Variants in EPG5 observed in about 807,000 individuals in gnomAD.
The protein encoded by EPG5 is ectopic P granules protein 5 homolog.
A neutral mutation model predicts 302.7 loss-of-function variants in EPG5; 159 were observed. That is an observed-to-expected ratio of 0.53 (90% CI 0.46 to 0.60). The LOEUF (loss-of-function observed/expected upper bound fraction) is 0.60. EPG5 is among the 20% of genes least tolerant of loss of function. The pLI is 0.00. For synonymous variants in EPG5, 1,158 were observed against 1,136.8 expected, an observed-to-expected ratio of 1.02 and a Z score of -0.37; for missense variants, 2,896 against 3,092.4, an observed-to-expected ratio of 0.94 and a Z score of 1.51.
intron 24 of EPG5, among the ~76,000 whole-genome samples, chr18:45,906,703 G>A (rs2049759930): frequency 6.6e-6 from 1 of 151,668 alleles, no homozygotes; most frequent in Non-Finnish European, 1.5e-5. Flanking sequence ...TGCCCAGGCT[G>A]GAGTGCAGTG....
chr18:45,877,583 C>A (rs1274419145), intron 34 of EPG5, among the ~76,000 whole-genome samples: 5 of 152,112 alleles, frequency 3.3e-5, no homozygotes, highest in African/African-American at 7.2e-5. Flanking sequence ...ATTCAGATAG[C>A]CCTCTAGCAA....
the EPG5 span, among the ~76,000 whole-genome samples, chr18:45,839,906 T>C: frequency 6.6e-6 from 1 of 152,134 alleles, no homozygotes; most frequent in African/African-American, 2.4e-5. Context: ...TTTGTCACAG[T>C]GGCCCTGGCT....
At chr18:45,891,975 C>T (rs887270898) in intron 27 of EPG5, among the ~76,000 whole-genome samples, 50 of 152,134 alleles carry the variant, frequency 3.3e-4, no homozygotes, top group African/African-American at 1.2e-3. Context: ...GTCACAGAAT[C>T]CCCTGGCTGG....
At chr18:45,837,204 T>C in the EPG5 span, 2 of 1,488,248 alleles carry the variant, frequency 1.3e-6, no homozygotes, top group Non-Finnish European at 1.8e-6. Flanking sequence ...AGGGTAAGAA[T>C]ATGGGGTCAA....
At chr18:45,837,874 C>A in the EPG5 span, 1 of 1,530,356 alleles carries the variant, frequency 6.5e-7, no homozygotes, top group Non-Finnish European at 8.7e-7. Context: ...AGAGCCGCCA[C>A]GGCGTCCGGC....
chr18:45,933,425 T>A (rs1455792194), intron 11 of EPG5, among the ~76,000 whole-genome samples: 4 of 152,204 alleles, frequency 2.6e-5, no homozygotes, highest in African/African-American at 9.6e-5. Context: ...ACGCCTATTA[T>A]CCCAGCGTTT....
chr18:45,959,282 A>C (rs2051096468), intron 1 of EPG5, among the ~76,000 whole-genome samples: 1 of 151,900 alleles, frequency 6.6e-6, no homozygotes, highest in African/African-American at 2.4e-5. Flanking sequence ...CGGAGGTTGC[A>C]GTGAGCCGAG....
At chr18:45,835,645 T>C in the EPG5 span, among the ~76,000 whole-genome samples, 1 of 152,238 alleles carries the variant, frequency 6.6e-6, no homozygotes, top group Non-Finnish European at 1.5e-5. Context: ...ATTTCTGTCA[T>C]GTCCAATTGT....
rs765537954 is a variant in EPG5 at position 45,908,018 on chromosome 18, G to T, written c.4269C>A (p.Ile1423=). 6.3e-7 allele frequency: 1 copy of T among 1,599,470 alleles called. No individual in the cohort carries two copies. Residue 1423 remains isoleucine, a synonymous_variant, in exon 24 of 44, where the codon ATC becomes ATA. Transcript: ENST00000282041. ...TATCATAATGCTTTGGTAGAGAAGG[G>T]ATATAGGTATCTCCTTTTTGAAAAT... ...DENFQKGDTY[I]PSLPKHYDIH... is the part of the protein sequence containing the mutation.
chr18:45,902,631 C>G (rs2049646863), intron 25 of EPG5, among the ~76,000 whole-genome samples: 1 of 152,222 alleles, frequency 6.6e-6, no homozygotes, highest in South Asian at 2.1e-4. Flanking sequence ...ATTTTTCCTA[C>G]AACCAATCAT....
At chr18:45,930,557 G>A (rs1383129074) in intron 12 of EPG5, 119 bp downstream of exon 12, 2 of 713,672 alleles carry the variant, frequency 2.8e-6, no homozygotes, top group Admixed American at 3.7e-5. Flanking sequence ...TCCCTTCTCT[G>A]AAGTGTAGAC....
At chr18:45,954,032 A>G in intron 2 of EPG5, 1 of 529,360 alleles carries the variant, frequency 1.9e-6, no homozygotes, top group Non-Finnish European at 2.4e-6. Context: ...TTAGTTGCTA[A>G]CATTTGCAAA....
intron 16 of EPG5, among the ~76,000 whole-genome samples, chr18:45,919,089 CAG>C (rs2050093673): frequency 6.6e-6 from 1 of 151,954 alleles, no homozygotes; most frequent in African/African-American, 2.4e-5. Context: ...TGAAAATAAA[CAG>C]AAAAAAAATC....
rs2049610444 is a variant in EPG5 at position 45,901,222 on chromosome 18, C to G, written c.4475-55G>C. 4 of 1,473,354 alleles carry G rather than the reference C, an allele frequency of 2.7e-6. No individual in the cohort carries two copies. The Admixed American group carries it at 5.2e-5, about 19-fold the overall frequency. The allele number at this position is 1,473,354 out of a possible 1,614,324, so 91.3% of individuals were successfully genotyped here. On this transcript the variant is annotated intron_variant, in intron 25 of 43. Transcript: ENST00000282041. Reference sequence around the variant, plus strand: ...GCAATCAGGTGAATTAGCAGGAGAACAGAAGCATGTGGTACAATTCAGTAG... The same window carrying G: ...GCAATCAGGTGAATTAGCAGGAGAAGAGAAGCATGTGGTACAATTCAGTAG...
intron 20 of EPG5, among the ~76,000 whole-genome samples, chr18:45,915,004 C>T (rs149165232): frequency 0.038 from 5,672 of 150,444 alleles, 314 homozygotes; most frequent in African/African-American, 0.13. Context: ...TCAGGCAGGG[C>T]GCGGTGGCTC....
At chr18:45,932,264 T>C (rs145320488) in intron 11 of EPG5, among the ~76,000 whole-genome samples, 316 of 152,286 alleles carry the variant, frequency 2.1e-3, no homozygotes, top group African/African-American at 7.2e-3. Flanking sequence ...TAATTAGCTT[T>C]TAAAATATTA....
At position 45,849,846 on chromosome 18, in the gene EPG5, T is replaced by C. The variant is rs2048402482; in HGVS notation, c.*2621A>G. 1 of 152,184 alleles carries C rather than the reference T, an allele frequency of 6.6e-6. No homozygotes were observed. Among genetic ancestry groups the C allele is most frequent in the Non-Finnish European group, 1.5e-5 (1 of 68,044 alleles). The allele number at this position is 152,184 out of a possible 1,614,324, so 9.4% of individuals were successfully genotyped here. A position where few individuals can be genotyped will look rare whatever the true frequency, so the allele number is the denominator to read the frequency against. On this transcript the variant is annotated 3_prime_UTR_variant, in exon 44 of 44. Transcript: ENST00000282041. Reference sequence around the variant, plus strand: ...AGCTTTGGAAACATGTACAGGTGGGTCCCGAATCCACTGCTACTGTCATGC... The same window carrying C: ...AGCTTTGGAAACATGTACAGGTGGGCCCCGAATCCACTGCTACTGTCATGC...
intron 10 of EPG5, among the ~76,000 whole-genome samples, chr18:45,935,915 G>A (rs2050512986): frequency 6.6e-6 from 1 of 152,126 alleles, no homozygotes; most frequent in South Asian, 2.1e-4. Context: ...CTCCTTCCAT[G>A]GGTCAAGCCC....
At chr18:45,936,325 T>G (rs944794757) in intron 10 of EPG5, among the ~76,000 whole-genome samples, 1 of 152,158 alleles carries the variant, frequency 6.6e-6, no homozygotes, top group Non-Finnish European at 1.5e-5. Flanking sequence ...AACCAGTATC[T>G]CAAAAACAAT....
Sources: allele counts gnomAD v4.1 joint callset (sites outside exome capture counted in the v4.1 genomes callset), GRCh38; gene constraint gnomAD v4.1.1; transcripts MANE v1.5; gene names NCBI Gene and HGNC (gene_info 2026-07-23, HGNC 2026-07-21).